Variants in CHST11 observed in about 807,000 individuals in gnomAD.
CHST11 encodes C4S-1.
A neutral mutation model predicts 30.4 loss-of-function variants in CHST11; 9 were observed. The observed-to-expected ratio is 0.30, with a 90% confidence interval of 0.18 to 0.52. The LOEUF (loss-of-function observed/expected upper bound fraction) is 0.52. Among genes scored for constraint, CHST11 ranks in the 20% least tolerant of loss-of-function variants. The pLI, the probability that CHST11 is intolerant of heterozygous loss-of-function variation, is 0.97. For synonymous variants in CHST11, 152 were observed against 187.8 expected (o/e 0.81, Z 1.56); for missense variants, 348 against 460.6 (o/e 0.76, Z 2.24).
intron 1 of CHST11, among the ~76,000 whole-genome samples, chr12:104,491,377 C>T (rs76076898): frequency 0.023 from 3,448 of 152,274 alleles, 130 homozygotes; most frequent in African/African-American, 0.079. Context: ...CTGTGCCCCC[C>T]ATGATCTATT....
At chr12:104,671,552 C>A (rs1011313734) in intron 2 of CHST11, among the ~76,000 whole-genome samples, 1 of 152,104 alleles carries the variant, frequency 6.6e-6, no homozygotes. Context: ...CTGTCGCTTC[C>A]CCCACAGGTT....
At chr12:104,526,319 T>C (rs760398071) in intron 1 of CHST11, among the ~76,000 whole-genome samples, 1 of 152,208 alleles carries the variant, frequency 6.6e-6, no homozygotes, top group Non-Finnish European at 1.5e-5. Context: ...GAGGCCTTGA[T>C]CCTTTTTAAA....
chr12:104,568,489 C>T (rs547762224), intron 1 of CHST11, among the ~76,000 whole-genome samples: 1 of 152,298 alleles, frequency 6.6e-6, no homozygotes. Context: ...CAGCAACTTC[C>T]AACAGAGCTG....
At chr12:104,598,818 G>A (rs898745429) in intron 1 of CHST11, among the ~76,000 whole-genome samples, 1 of 150,690 alleles carries the variant, frequency 6.6e-6, no homozygotes, top group Non-Finnish European at 1.5e-5. Flanking sequence ...GCTGGCCCAA[G>A]CCTCCCACCC....
chr12:104,704,046 C>G (rs1328468310), intron 2 of CHST11, among the ~76,000 whole-genome samples: 15 of 152,138 alleles, frequency 9.9e-5, no homozygotes, highest in Non-Finnish European at 2.2e-4. Context: ...AGGGCCTGGT[C>G]CAATGCCTGG....
intron 2 of CHST11, among the ~76,000 whole-genome samples, chr12:104,682,813 G>A (rs1404863978): frequency 6.6e-6 from 1 of 152,208 alleles, no homozygotes; most frequent in Non-Finnish European, 1.5e-5. Flanking sequence ...GCATAGCCCG[G>A]CAGAAAGCAC....
chr12:104,612,517 G>A (rs2039069806), intron 2 of CHST11, among the ~76,000 whole-genome samples: 1 of 152,200 alleles, frequency 6.6e-6, no homozygotes, highest in South Asian at 2.1e-4. Flanking sequence ...AATTACATCT[G>A]TAATGACCCT....
chr12:104,729,651 C>T lies in CHST11; in HGVS notation c.205-27298C>T, dbSNP rs1237496524. Among the ~76,000 whole-genome samples the T allele has an allele frequency of 2.6e-5, 4 of 152,168 alleles. No individual in the cohort carries two copies. The highest frequency in any genetic ancestry group is 4.8e-5 in the African/African-American group (2 of 41,434). ...CGTAAGGTCTAGCGTATTGTCTTCT[C>T]GCAACTTGAACCTTGCTGGAGAAGT... On this transcript the variant is annotated intron_variant, in intron 2 of 2. Transcript: ENST00000303694. The surrounding 1 kb of genome is among the most constrained non-coding windows in gnomAD (Gnocchi z 4.0).
intron 1 of CHST11, among the ~76,000 whole-genome samples, chr12:104,504,676 C>T (rs796086777): frequency 6.6e-6 from 1 of 152,130 alleles, no homozygotes; most frequent in Admixed American, 6.5e-5. Context: ...GTTTAAAAAG[C>T]GGGGGCTGAG....
intron 1 of CHST11, among the ~76,000 whole-genome samples, chr12:104,493,709 A>G (rs1038380048): frequency 6.6e-6 from 1 of 152,236 alleles, no homozygotes; most frequent in African/African-American, 2.4e-5. Context: ...ACGGAAAGAC[A>G]AGAGAGACTT....
chr12:104,685,025 A>G (rs979460699), intron 2 of CHST11, among the ~76,000 whole-genome samples: 20 of 152,260 alleles, frequency 1.3e-4, no homozygotes, highest in African/African-American at 4.8e-4. Flanking sequence ...GCATTCCTCC[A>G]ACAAACTCTG....
chr12:104,531,199 C>T (rs768903704), intron 1 of CHST11, among the ~76,000 whole-genome samples: 6 of 151,896 alleles, frequency 4.0e-5, no homozygotes, highest in Admixed American at 6.6e-5. Context: ...AAAGATTAGG[C>T]GATGTGGTGG....
intron 2 of CHST11, among the ~76,000 whole-genome samples, chr12:104,683,617 C>T (rs771430966): frequency 2.3e-4 from 35 of 152,298 alleles, no homozygotes; most frequent in Non-Finnish European, 4.6e-4. Flanking sequence ...CAGAACTGAT[C>T]ACTCTCATGG....
At chr12:104,735,981 G>T (rs554631977) in intron 2 of CHST11, among the ~76,000 whole-genome samples, 56 of 152,274 alleles carry the variant, frequency 3.7e-4, no homozygotes, top group Middle Eastern at 6.8e-3. Flanking sequence ...AGGATGCGGG[G>T]TTGTGGCCAG....
chr12:104,548,695 G>A (rs1377158246), intron 1 of CHST11, among the ~76,000 whole-genome samples: 1 of 152,166 alleles, frequency 6.6e-6, no homozygotes, highest in African/African-American at 2.4e-5. Context: ...GGCAAGAAAA[G>A]TTTGGCAAAG....
At chr12:104,523,999 C>A (rs117970750) in intron 1 of CHST11, among the ~76,000 whole-genome samples, 1,910 of 150,746 alleles carry the variant, frequency 0.013, 15 homozygotes, top group Middle Eastern at 0.045. Context: ...CTCAAAGCTG[C>A]AGTGTTCAGG....
chr12:104,730,581 C>T (rs531458563), intron 2 of CHST11, among the ~76,000 whole-genome samples: 7 of 152,114 alleles, frequency 4.6e-5, no homozygotes, highest in East Asian at 1.9e-4. Context: ...CAAAGTGTGG[C>T]GTGGCTGGCC....
rs550949534 is a variant in CHST11, at chr12:104,496,880, T to G, written c.118+39351T>G. Among the ~76,000 whole-genome samples, 3 of 152,332 alleles carry G rather than the reference T, an allele frequency of 2.0e-5. No homozygotes were observed. The South Asian group carries it at 6.2e-4, about 32-fold the overall frequency. The stretch of plus-strand genomic sequence containing the variant: ...AAGAATTTGCCATCCAGAAAAACTT[T>G]CCACTGGAGGTGGGGAAGAGGGGCC... On this transcript the variant is annotated intron_variant, in intron 1 of 2. Transcript: ENST00000303694.
At chr12:104,670,398 A>G (rs1233692989) in intron 2 of CHST11, among the ~76,000 whole-genome samples, 2 of 151,744 alleles carry the variant, frequency 1.3e-5, no homozygotes, top group African/African-American at 4.9e-5. Flanking sequence ...AACTGCCTCC[A>G]TTTCCTCCAC....
Sources: allele counts gnomAD v4.1 joint callset (sites outside exome capture counted in the v4.1 genomes callset), GRCh38; gene constraint gnomAD v4.1.1; non-coding constraint Gnocchi (gnomAD v3.1); transcripts MANE v1.5; gene names NCBI Gene and HGNC (gene_info 2026-07-23, HGNC 2026-07-21).